The following RPS6KL1 variants were observed in gnomAD, a reference collection of about 807,000 sequenced individuals.
The protein encoded by RPS6KL1 is ribosomal protein S6 kinase-like 1.
Under a neutral mutation model 57.0 loss-of-function variants are expected in RPS6KL1, and 41 were observed. The ratio of observed to expected loss-of-function variants is 0.72; its 90% CI spans 0.56 to 0.93. The LOEUF (loss-of-function observed/expected upper bound fraction) is 0.93. RPS6KL1 is among the 40% of genes least tolerant of loss of function. The pLI, the probability that RPS6KL1 is intolerant of heterozygous loss-of-function variation, is 0.00. For synonymous variants in RPS6KL1, 287 were observed against 309.7 expected (o/e 0.93, Z 0.77); for missense variants, 697 against 727.7 (o/e 0.96, Z 0.49).
intron 5 of RPS6KL1, among the ~76,000 whole-genome samples, chr14:74,916,446 G>A (rs1886858636): frequency 1.3e-5 from 2 of 152,228 alleles, no homozygotes; most frequent in African/African-American, 4.8e-5. Context: ...AGTGCTTTGG[G>A]AGGCCTAAAC....
At chr14:74,910,870 CT>C (rs5809683) in intron 7 of RPS6KL1, 1,652 of 155,616 alleles carry the variant, frequency 0.011, 1 homozygote, top group East Asian at 0.022. Context: ...CAGGGCTCAG[CT>C]TTTTTTTTTT....
intron 5 of RPS6KL1, among the ~76,000 whole-genome samples, chr14:74,917,662 G>T (rs1887072538): frequency 6.6e-6 from 1 of 152,114 alleles, no homozygotes; most frequent in African/African-American, 2.4e-5. Context: ...AGTAAGGGTT[G>T]GGACGTCGCC....
At position 74,904,721 on chromosome 14, in the gene RPS6KL1, C is replaced by CATT. The variant is rs2140214324; in HGVS notation, c.*2290_*2292dup. On this transcript the variant is annotated 3_prime_UTR_variant, in exon 12 of 12. Coordinates refer to ENST00000557413, the MANE Select transcript of RPS6KL1 (RefSeq NM_031464.5). ...GGATTTGGGAGGAGTGGGGGCATCT[C>CATT]ATTTCATTTGGATTTGATAGCCTTG... 6.6e-6 allele frequency: 1 copy of CATT among 152,258 alleles called. No homozygotes were observed. Among genetic ancestry groups the CATT allele is most frequent in the Non-Finnish European group, 1.5e-5 (1 of 68,002 alleles). The allele number at this position is 152,258 out of a possible 1,614,324, so 9.4% of individuals were successfully genotyped here.
At chr14:74,921,743 G>A in intron 2 of RPS6KL1, 182 bp from the exon 3 acceptor site, 1 of 1,335,384 alleles carries the variant, frequency 7.5e-7, no homozygotes, top group South Asian at 1.6e-5. Flanking sequence ...GGTAATGATA[G>A]AATCATAACC....
chr14:74,922,846 G>A (rs1336830910), intron 1 of RPS6KL1, among the ~76,000 whole-genome samples: 4 of 152,194 alleles, frequency 2.6e-5, no homozygotes, highest in East Asian at 3.9e-4. Flanking sequence ...GGCGGGGAGG[G>A]AGACCCACAG....
Position 74,922,452 on chromosome 14 carries a change from G to A in RPS6KL1, c.-495C>T. 5.9e-6 allele frequency: 3 copies of A among 504,812 alleles called. No individual in the cohort carries two copies. The highest frequency in any genetic ancestry group is 7.7e-6 in the Non-Finnish European group (3 of 389,690). 31.3% of individuals were successfully genotyped at this position (504,812 alleles called of 1,614,324 possible). A position where few individuals can be genotyped will look rare whatever the true frequency, so the allele number is the denominator to read the frequency against. ...CGAGTGAGGACCCCTCCTGGAGCCA[G>A]CAGAGAGCAGAGCACAGAGCTGGGC... is the stretch of plus-strand genomic sequence containing the variant. On this transcript the variant is annotated 5_prime_UTR_variant, in exon 2 of 12. Coordinates refer to ENST00000557413, the MANE Select transcript of RPS6KL1 (RefSeq NM_031464.5).
At chr14:74,911,194 G>GA in intron 7 of RPS6KL1, 54 bp downstream of exon 7, 1 of 1,575,602 alleles carries the variant, frequency 6.3e-7, no homozygotes. Context: ...TTTAAGGGTT[G>GA]ACGACATACC....
In RPS6KL1 at chr14:74,921,238, T is replaced by TTCCCCCC; in HGVS notation, c.265+38_265+39insGGGGGGA. ...ACAGGAAGAGCCCTGCACTGGCCCT[T>TTCCCCCC]CCCCACCCACCCCAGCCCTGCCCAG... On this transcript the variant is annotated intron_variant, in intron 3 of 11. Transcript: ENST00000557413. 316 of 839,946 alleles carry TTCCCCCC rather than the reference T, an allele frequency of 3.8e-4. 2 individuals are homozygous for TTCCCCCC. Among genetic ancestry groups the TTCCCCCC allele is most frequent in the Non-Finnish European group, 5.2e-4 (254 of 489,592 alleles). The allele number at this position is 839,946 out of a possible 1,614,324, so 52.0% of individuals were successfully genotyped here.
At chr14:74,919,399 G>C (rs1044917499) in intron 4 of RPS6KL1, among the ~76,000 whole-genome samples, 3 of 152,236 alleles carry the variant, frequency 2.0e-5, no homozygotes, top group Admixed American at 6.5e-5. Context: ...AAGCCATGTG[G>C]GGACTGTGTG....
chr14:74,909,331 C>T, intron 8 of RPS6KL1, 141 bp from the exon 9 acceptor site: 1 of 1,006,122 alleles, frequency 9.9e-7, no homozygotes, highest in East Asian at 2.6e-5. Context: ...GCACAGCACC[C>T]TCCACAGAGG....
Position 74,907,085 on chromosome 14 carries a change from C to A in RPS6KL1, c.1579G>T (p.Glu527Ter). Residue 527 changes from glutamate (E) to a stop codon, truncating the protein, a stop_gained, in exon 12 of 12, where the codon GAA (glutamate) becomes TAA (stop). Coordinates refer to ENST00000557413, the MANE Select transcript of RPS6KL1 (RefSeq NM_031464.5). LOFTEE classifies it high-confidence loss of function. ...FEPTRRLGMGEGGVSKLKSHP... is the reference protein window; with the variant it reads ...FEPTRRLGMG The stretch of plus-strand genomic sequence containing the variant: ...GACTTGAGTTTGCTGACACCACCTT[C>A]TCCCATGCCCAGGCGCCGGGTAGGC... 1 of 1,613,790 alleles carries A rather than the reference C, an allele frequency of 6.2e-7. No individual in the cohort carries two copies. Among genetic ancestry groups the A allele is most frequent in the East Asian group, 2.2e-5 (1 of 44,884 alleles).
At position 74,910,142 on chromosome 14, in the gene RPS6KL1, G is replaced by A. The variant is rs745438965; in HGVS notation, c.671C>T (p.Thr224Ile). 1.9e-6 allele frequency: 3 copies of A among 1,542,096 alleles called. No homozygotes were observed. Among genetic ancestry groups the A allele is most frequent in the Admixed American group, 1.8e-5 (1 of 54,282 alleles). ...CTGGGAGAGCAGGTGGGACCAGAGA[G>A]TGCCTCCTGGGCCATGCAGAGGGAG... The part of the protein sequence containing the change: ...FLHLEHVQGG[T>I]LWSHLLSQAH... Residue 224 changes from threonine to isoleucine, a missense_variant, in exon 8 of 12, where the codon ACT (threonine) becomes ATT (isoleucine). Transcript: ENST00000557413.
Position 74,904,106 on chromosome 14 carries a change from C to T in RPS6KL1, c.*2908G>A, listed in dbSNP as rs1029231629. 6.6e-6 allele frequency: 1 copy of T among 152,154 alleles called. No individual in the cohort carries two copies. The highest frequency in any genetic ancestry group is 1.5e-5 in the Non-Finnish European group (1 of 68,028). 9.4% of individuals were successfully genotyped at this position (152,154 alleles called of 1,614,324 possible). A position where few individuals can be genotyped will look rare whatever the true frequency, so the allele number is the denominator to read the frequency against. ...TACATTTTAGGGAGACATAAGATACCAGTCAGTACATGTAAGATGTACAGT... is the reference window on the plus strand; with the variant it reads ...TACATTTTAGGGAGACATAAGATACTAGTCAGTACATGTAAGATGTACAGT... On this transcript the variant is annotated 3_prime_UTR_variant, in exon 12 of 12. Transcript: ENST00000557413.
At position 74,907,323 on chromosome 14, in the gene RPS6KL1, C is replaced by T; in HGVS notation, c.1539+112G>A. The T allele has an allele frequency of 2.7e-6, 4 of 1,480,506 alleles. 1 individual carries two copies. The highest frequency in any genetic ancestry group is 2.6e-5 in the South Asian group (2 of 76,322). The allele number at this position is 1,480,506 out of a possible 1,614,324, so 91.7% of individuals were successfully genotyped here. On this transcript the variant is annotated intron_variant, in intron 11 of 11. Coordinates refer to ENST00000557413, the MANE Select transcript of RPS6KL1 (RefSeq NM_031464.5). ...TGTGTTGCCCCTACTGCCCTCTGCA[C>T]CCACATCAGACACTGAGCACGAAGC...
intron 5 of RPS6KL1, among the ~76,000 whole-genome samples, chr14:74,916,552 G>A (rs12147684): frequency 0.077 from 11,717 of 152,144 alleles, 572 homozygotes; most frequent in African/African-American, 0.13. Flanking sequence ...AGCAGGGCTT[G>A]AGACTGTGGT....
At chr14:74,911,613 GTGTA>G in intron 6 of RPS6KL1, 177 bp downstream of exon 6, 5 of 669,582 alleles carry the variant, frequency 7.5e-6, no homozygotes, top group East Asian at 2.7e-5. Context: ...GTATGTGTAT[GTGTA>G]TGTGTGTGTG....
chr14:74,911,753 C>T, intron 6 of RPS6KL1, 41 bp downstream of exon 6: 1 of 1,540,580 alleles, frequency 6.5e-7, no homozygotes, highest in Non-Finnish European at 8.8e-7. Context: ...TGAGAAAGAT[C>T]CAAGGGGAAT....
intron 5 of RPS6KL1, among the ~76,000 whole-genome samples, chr14:74,912,279 C>G (rs147111900): frequency 6.6e-6 from 1 of 152,198 alleles, no homozygotes. Context: ...GGTGGGCATG[C>G]GAGCAGAATG....
intron 5 of RPS6KL1, among the ~76,000 whole-genome samples, chr14:74,914,503 C>T: frequency 6.6e-6 from 1 of 152,198 alleles, no homozygotes; most frequent in East Asian, 1.9e-4. Context: ...CCTCAGTATT[C>T]AGAAATAATT....
Sources: allele counts gnomAD v4.1 joint callset (sites outside exome capture counted in the v4.1 genomes callset), GRCh38; gene constraint gnomAD v4.1.1; transcripts MANE v1.5; gene names NCBI Gene and HGNC (gene_info 2026-07-23, HGNC 2026-07-21).